Variants in BMPER observed in about 807,000 individuals in gnomAD.
BMPER encodes BMP binding endothelial regulator, also known as BMP-binding endothelial regulator protein.
Under a neutral mutation model 87.3 loss-of-function variants are expected in BMPER, and 45 were observed. The observed-to-expected ratio is 0.52, with a 90% confidence interval of 0.41 to 0.66. The LOEUF (loss-of-function observed/expected upper bound fraction) is 0.66. BMPER is among the 30% of genes least tolerant of loss of function. The probability of loss-of-function intolerance (pLI) is 0.00; values close to 1 mark genes in which losing one functional copy is unlikely to be tolerated. For missense variants in BMPER, 784 were observed against 867.5 expected (o/e 0.90, Z 1.21); for synonymous variants, 326 against 316.2 (o/e 1.03, Z -0.33).
chr7:34,068,230 A>C (rs1428725614), intron 11 of BMPER, among the ~76,000 whole-genome samples: 2 of 152,214 alleles, frequency 1.3e-5, no homozygotes, highest in Non-Finnish European at 2.9e-5. Flanking sequence ...TTAGAGGTTA[A>C]GAAGGACGCT....
At chr7:33,914,190 C>T (rs1480988437) in intron 2 of BMPER, among the ~76,000 whole-genome samples, 3 of 152,092 alleles carry the variant, frequency 2.0e-5, no homozygotes, top group East Asian at 1.9e-4. Flanking sequence ...TGGTCTCGAT[C>T]TCCTGACCTC....
intron 3 of BMPER, among the ~76,000 whole-genome samples, chr7:33,944,843 C>T (rs1288270386): frequency 3.9e-5 from 6 of 152,150 alleles, no homozygotes; most frequent in Admixed American, 1.3e-4. Flanking sequence ...TTGGTCTTTA[C>T]TACTATGCTC....
chr7:34,141,791 T>C (rs1790881118), intron 13 of BMPER, among the ~76,000 whole-genome samples: 1 of 152,112 alleles, frequency 6.6e-6, no homozygotes, highest in Admixed American at 6.5e-5. Flanking sequence ...TTTTTTCCTA[T>C]TTCCCAAAAC....
chr7:33,905,419 G>GCCCCCCCCCCCCCCCCCCCCCCC, upstream of BMPER: 5 of 110,388 alleles, frequency 4.5e-5, no homozygotes, highest in South Asian at 1.8e-4. Context: ...CTCCCCGGGC[G>GCCCCCCCCCCCCCCCCCCCCCCC]CCCCCACACC....
At chr7:34,061,320 T>C (rs772469350) in intron 10 of BMPER, among the ~76,000 whole-genome samples, 10 of 152,198 alleles carry the variant, frequency 6.6e-5, no homozygotes, top group Admixed American at 1.3e-4. Flanking sequence ...TTAAATGTCA[T>C]GCATTAAAAA....
chr7:33,938,746 T>C (rs947368759), intron 3 of BMPER, among the ~76,000 whole-genome samples: 3 of 152,074 alleles, frequency 2.0e-5, no homozygotes, highest in Non-Finnish European at 4.4e-5. Context: ...GGACAGCAGG[T>C]TGGGCATGGT....
chr7:34,025,165 C>G (rs1398218904), intron 6 of BMPER, among the ~76,000 whole-genome samples: 1 of 152,090 alleles, frequency 6.6e-6, no homozygotes, highest in East Asian at 1.9e-4. Flanking sequence ...TCCTTAAAGA[C>G]AGCAAACATG....
chr7:34,010,570 T>A (rs1786850653), intron 6 of BMPER, among the ~76,000 whole-genome samples: 1 of 151,912 alleles, frequency 6.6e-6, no homozygotes, highest in African/African-American at 2.4e-5. Flanking sequence ...ACCATCTTCA[T>A]TTCCATTTAG....
At chr7:33,924,084 T>A (rs895837925) in intron 2 of BMPER, among the ~76,000 whole-genome samples, 3 of 152,150 alleles carry the variant, frequency 2.0e-5, no homozygotes, top group Non-Finnish European at 4.4e-5. Flanking sequence ...AATGGAGATC[T>A]CCTTTGTCAC....
intron 2 of BMPER, among the ~76,000 whole-genome samples, chr7:33,935,364 G>A (rs1423314610): frequency 6.6e-6 from 1 of 152,064 alleles, no homozygotes; most frequent in Non-Finnish European, 1.5e-5. Context: ...CTGAACATTG[G>A]AATTACCTGG....
intron 6 of BMPER, among the ~76,000 whole-genome samples, chr7:33,998,361 C>A (rs1325399720): frequency 6.6e-6 from 1 of 152,176 alleles, no homozygotes; most frequent in Non-Finnish European, 1.5e-5. Flanking sequence ...TCTATGGTGT[C>A]CAGGTCAGCT....
At chr7:34,129,619 A>G (rs1790511168) in intron 13 of BMPER, among the ~76,000 whole-genome samples, 1 of 135,814 alleles carries the variant, frequency 7.4e-6, no homozygotes, top group African/African-American at 2.9e-5. Context: ...AAAGAGAGAG[A>G]GAGAGAAAGA....
intron 13 of BMPER, among the ~76,000 whole-genome samples, chr7:34,117,484 A>G (rs894594393): frequency 2.6e-5 from 4 of 152,172 alleles, no homozygotes; most frequent in African/African-American, 9.7e-5. Flanking sequence ...AAAACAGACA[A>G]AAAAGCTGTT....
At chr7:34,034,104 T>C (rs1302802473) in intron 6 of BMPER, among the ~76,000 whole-genome samples, 3 of 152,134 alleles carry the variant, frequency 2.0e-5, no homozygotes, top group Admixed American at 6.6e-5. Flanking sequence ...CATCCAGCCA[T>C]GGCCTCACTG....
chr7:33,946,546 T>A (rs553691071), intron 3 of BMPER, among the ~76,000 whole-genome samples: 1 of 152,308 alleles, frequency 6.6e-6, no homozygotes, highest in South Asian at 2.1e-4. Flanking sequence ...CCACTCAAAA[T>A]CACCTGGGGA....
intron 2 of BMPER, among the ~76,000 whole-genome samples, chr7:33,910,438 G>A (rs974518152): frequency 6.6e-6 from 1 of 152,202 alleles, no homozygotes; most frequent in Admixed American, 6.5e-5. Context: ...GCACACATGA[G>A]AAGTGTGGTG....
chr7:33,944,561 A>AT (rs975333582), intron 3 of BMPER, among the ~76,000 whole-genome samples: 1 of 152,282 alleles, frequency 6.6e-6, no homozygotes, highest in Non-Finnish European at 1.5e-5. Flanking sequence ...GAAATTATTA[A>AT]TTTTTTTGTT....
At chr7:34,136,242 T>C (rs1790715522) in intron 13 of BMPER, among the ~76,000 whole-genome samples, 1 of 152,130 alleles carries the variant, frequency 6.6e-6, no homozygotes, top group Non-Finnish European at 1.5e-5. Flanking sequence ...GTTCCCAGGA[T>C]TGAAGCTTCT....
chr7:34,078,595 A>G (rs1788926897), intron 11 of BMPER, among the ~76,000 whole-genome samples: 1 of 152,184 alleles, frequency 6.6e-6, no homozygotes, highest in South Asian at 2.1e-4. Flanking sequence ...AAGATCATGG[A>G]AGCATATCTA....
Sources: gnomAD v4.1 joint callset for allele counts (sites outside exome capture counted in the v4.1 genomes callset) on GRCh38, gnomAD v4.1.1 for gene constraint, MANE v1.5 for transcripts, NCBI Gene and HGNC (gene_info 2026-07-23, HGNC 2026-07-21) for gene names.